Variants in PCDHGA7 observed in about 807,000 individuals in gnomAD.
The protein encoded by PCDHGA7 is protocadherin gamma-A7.
Under a neutral mutation model 58.3 loss-of-function variants are expected in PCDHGA7, and 44 were observed. That is an observed-to-expected ratio of 0.75 (90% CI 0.59 to 0.97). The LOEUF (loss-of-function observed/expected upper bound fraction) is 0.97. Ranked by LOEUF, PCDHGA7 falls within the 50% of genes least tolerant of loss-of-function variation. The pLI is 0.00. For missense variants in PCDHGA7, 1,266 were observed against 1,188.7 expected, an observed-to-expected ratio of 1.06 and a Z score of -0.96; for synonymous variants, 516 against 504.2, an observed-to-expected ratio of 1.02 and a Z score of -0.31.
intron 2 of PCDHGA7, among the ~76,000 whole-genome samples, chr5:141,497,076 C>T (rs1052240279): frequency 5.9e-5 from 9 of 151,826 alleles, no homozygotes; most frequent in Non-Finnish European, 8.8e-5. Context: ...GTAATCCCAG[C>T]GACTTAGGAG....
chr5:141,495,642 C>T (rs1294293252), intron 2 of PCDHGA7, among the ~76,000 whole-genome samples: 1 of 152,208 alleles, frequency 6.6e-6, no homozygotes. Flanking sequence ...TTTCATTTGT[C>T]TACTTGCATT....
intron 1 of PCDHGA7, among the ~76,000 whole-genome samples, chr5:141,453,193 A>G (rs2098757675): frequency 6.6e-6 from 1 of 152,142 alleles, no homozygotes; most frequent in Admixed American, 6.5e-5. Context: ...AGCTCACTGC[A>G]GCCTCAACCT....
intron 2 of PCDHGA7, among the ~76,000 whole-genome samples, chr5:141,502,866 C>CTCTTTTTT (rs1554188502): frequency 2.3e-5 from 3 of 128,046 alleles, no homozygotes; most frequent in Non-Finnish European, 3.2e-5. Flanking sequence ...GACTCTCTGT[C>CTCTTTTTT]TTTTTTTTTT....
intron 1 of PCDHGA7, chr5:141,430,816 C>G: frequency 6.5e-7 from 1 of 1,538,128 alleles, no homozygotes. Context: ...TGGGAATCCT[C>G]CTGGGGACTC....
chr5:141,504,242 GTTC>G (rs903218038), intron 2 of PCDHGA7, among the ~76,000 whole-genome samples: 25 of 152,170 alleles, frequency 1.6e-4, no homozygotes, highest in African/African-American at 5.1e-4. Context: ...GAAGCAGAGA[GTTC>G]TTCTTATGGT....
At chr5:141,418,755 G>A (rs1489556538) in intron 1 of PCDHGA7, 8 of 1,613,898 alleles carry the variant, frequency 5.0e-6, no homozygotes, top group South Asian at 1.1e-5. Context: ...TACACTACAG[G>A]AAACATTCTA....
At position 141,478,208 on chromosome 5, in the gene PCDHGA7, C is replaced by G. The variant is rs200735608; in HGVS notation, c.2425-16599C>G. The G allele has an allele frequency of 2.5e-6, 4 of 1,614,096 alleles. No individual in the cohort carries two copies. The East Asian group carries it at 8.9e-5, about 36-fold the overall frequency. ...TCTCACCTTTTATCTACTTCTTTCTCTAATCCTGGTTTCTGTGGGGTTTGT... is the reference window on the plus strand; with the variant it reads ...TCTCACCTTTTATCTACTTCTTTCTGTAATCCTGGTTTCTGTGGGGTTTGT... On this transcript the variant is annotated intron_variant, in intron 1 of 3. Coordinates refer to ENST00000518325, the MANE Select transcript of PCDHGA7 (RefSeq NM_018920.4).
chr5:141,435,853 T>C (rs1034164236), intron 1 of PCDHGA7, among the ~76,000 whole-genome samples: 1 of 152,110 alleles, frequency 6.6e-6, no homozygotes, highest in African/African-American at 2.4e-5. Context: ...AAAGATACAA[T>C]AGTTAAAACC....
intron 1 of PCDHGA7, among the ~76,000 whole-genome samples, chr5:141,461,958 G>C (rs1048690044): frequency 4.5e-4 from 69 of 152,272 alleles, no homozygotes; most frequent in Non-Finnish European, 2.9e-4. Context: ...TGAGTAGCTG[G>C]GATTCCAGGC....
chr5:141,506,544 G>GT (rs2099854759), intron 3 of PCDHGA7, among the ~76,000 whole-genome samples: 1 of 151,880 alleles, frequency 6.6e-6, no homozygotes, highest in Non-Finnish European at 1.5e-5. Flanking sequence ...GAGTCCTTAG[G>GT]TAAGTTATTA....
At chr5:141,413,089 C>A in intron 1 of PCDHGA7, 1 of 1,401,120 alleles carries the variant, frequency 7.1e-7, no homozygotes, top group Non-Finnish European at 9.7e-7. Context: ...TACAGAGACA[C>A]CCTGAAGCCA....
intron 1 of PCDHGA7, chr5:141,393,005 C>T: frequency 6.2e-7 from 1 of 1,613,866 alleles, no homozygotes; most frequent in Non-Finnish European, 8.5e-7. Context: ...AGCACGGAGT[C>T]CGTATCGTCT....
chr5:141,506,398 A>T (rs902405970), intron 3 of PCDHGA7, among the ~76,000 whole-genome samples: 6 of 151,394 alleles, frequency 4.0e-5, no homozygotes, highest in Admixed American at 2.6e-4. Context: ...GTGAGCAGAA[A>T]ATCGCACCAC....
rs545261528 is a variant in PCDHGA7 at position 141,404,038 on chromosome 5, G to C, written c.2424+18715G>C. 4.3e-6 allele frequency: 7 copies of C among 1,613,858 alleles called. No individual in the cohort carries two copies. The African/African-American group carries it at 8.0e-5, about 18-fold the overall frequency. ...GCCCAGTGAGAGAAGACGCACCTCA[G>C]GGAACAGTAATTCTTCTTTTCAATG... On this transcript the variant is annotated intron_variant, in intron 1 of 3. Coordinates refer to ENST00000518325, the MANE Select transcript of PCDHGA7 (RefSeq NM_018920.4).
intron 1 of PCDHGA7, chr5:141,478,109 T>G: frequency 1.2e-6 from 2 of 1,614,086 alleles, no homozygotes; most frequent in Non-Finnish European, 8.5e-7. Flanking sequence ...CCTCACTGTG[T>G]CAGTAACCGA....
chr5:141,427,547 T>C (rs747558888), intron 1 of PCDHGA7: 1 of 640,310 alleles, frequency 1.6e-6, no homozygotes, highest in South Asian at 1.5e-5. Flanking sequence ...TCACCATCAC[T>C]GCCACTGACA....
At chr5:141,509,322 C>G (rs563556144) in intron 3 of PCDHGA7, among the ~76,000 whole-genome samples, 1 of 152,318 alleles carries the variant, frequency 6.6e-6, no homozygotes, top group East Asian at 1.9e-4. Flanking sequence ...GAGAGAAGCT[C>G]TACTGCCAGC....
intron 2 of PCDHGA7, among the ~76,000 whole-genome samples, chr5:141,501,719 T>C (rs1024307894): frequency 6.6e-6 from 1 of 152,028 alleles, no homozygotes; most frequent in African/African-American, 2.4e-5. Context: ...AAAAGACAAA[T>C]ATATTACCCA....
In PCDHGA7 at chr5:141,432,635, G is replaced by T. The variant is rs754354737; in HGVS notation, c.2424+47312G>T. 8.7e-6 allele frequency: 14 copies of T among 1,613,004 alleles called. No individual in the cohort carries two copies. The South Asian group carries it at 1.4e-4, about 16-fold the overall frequency. On this transcript the variant is annotated intron_variant, in intron 1 of 3. Transcript: ENST00000518325. This position sits in a 1 kb window ranked among gnomAD's most constrained non-coding sequence, Gnocchi z 6.0. ...CTCGGTGGGTCTGCACACGGGCGAGGTGCGCACGGCGCGAGCCCTGCTGGA... is the reference window on the plus strand; with the variant it reads ...CTCGGTGGGTCTGCACACGGGCGAGTTGCGCACGGCGCGAGCCCTGCTGGA...
Sources: allele counts gnomAD v4.1 joint callset (sites outside exome capture counted in the v4.1 genomes callset), GRCh38; gene constraint gnomAD v4.1.1; non-coding constraint Gnocchi (gnomAD v3.1); transcripts MANE v1.5; gene names NCBI Gene and HGNC (gene_info 2026-07-23, HGNC 2026-07-21).